The following ABCC11 variants were observed in gnomAD, a reference collection of about 807,000 sequenced individuals.
ABCC11 encodes the protein ATP-binding cassette sub-family C member 11.
ABCC11 carries 135 observed loss-of-function variants against 149.3 expected under a neutral mutation model. That is an observed-to-expected ratio of 0.90 (90% CI 0.79 to 1.04). ABCC11 has a LOEUF of 1.04. ABCC11 is among the 50% of genes least tolerant of loss of function. ABCC11 has a pLI of 0.00. For missense variants in ABCC11, 1,680 were observed against 1,722.1 expected (o/e 0.98, Z 0.43); for synonymous variants, 665 against 671.4 (o/e 0.99, Z 0.15).
intron 6 of ABCC11, among the ~76,000 whole-genome samples, chr16:48,221,745 T>C (rs1367538342): frequency 6.6e-6 from 1 of 152,086 alleles, no homozygotes; most frequent in Non-Finnish European, 1.5e-5. Context: ...GGGGTGTGTG[T>C]GTGTGTGTGT....
At chr16:48,204,945 T>C (rs1229827998) in intron 13 of ABCC11, among the ~76,000 whole-genome samples, 1 of 152,208 alleles carries the variant, frequency 6.6e-6, no homozygotes, top group Non-Finnish European at 1.5e-5. Flanking sequence ...AGATTCAAAC[T>C]GGTTTCCTCT....
intron 1 of ABCC11, among the ~76,000 whole-genome samples, chr16:48,237,759 A>T (rs1217327713): frequency 1.3e-5 from 2 of 152,144 alleles, no homozygotes; most frequent in Non-Finnish European, 2.9e-5. Context: ...CATTCCAGGA[A>T]CAGGTTCCTC....
At chr16:48,200,584 A>T in intron 14 of ABCC11, 105 bp from the exon 15 acceptor site, 1 of 1,148,830 alleles carries the variant, frequency 8.7e-7, no homozygotes, top group Non-Finnish European at 1.2e-6. Flanking sequence ...AGTACAGACC[A>T]AGATATGCAC....
chr16:48,173,507 TTTACTACTC>T (rs1175354187), intron 26 of ABCC11, among the ~76,000 whole-genome samples: 1 of 152,204 alleles, frequency 6.6e-6, no homozygotes, highest in Non-Finnish European at 1.5e-5. Context: ...AGTTCATATT[TTTACTACTC>T]TTCATATCAA....
chr16:48,224,146 G>C, intron 5 of ABCC11, 136 bp downstream of exon 5: 1 of 1,200,168 alleles, frequency 8.3e-7, no homozygotes. Flanking sequence ...GTCCTCAAAA[G>C]GTCTTCATTT....
intron 7 of ABCC11, 146 bp downstream of exon 7, chr16:48,215,968 T>C: frequency 1.2e-6 from 1 of 856,104 alleles, no homozygotes; most frequent in Non-Finnish European, 1.8e-6. Context: ...AGAGAATAGT[T>C]TGAAGTAGGG....
chr16:48,210,772 T>TA (rs1596780987), intron 11 of ABCC11, 176 bp downstream of exon 11: 7 of 950,794 alleles, frequency 7.4e-6, no homozygotes, highest in Non-Finnish European at 9.1e-6. Context: ...TAATTCACAT[T>TA]AAAAAATGAA....
At chr16:48,170,051 C>G in intron 28 of ABCC11, 54 bp downstream of exon 28, 1 of 1,493,032 alleles carries the variant, frequency 6.7e-7, no homozygotes. Flanking sequence ...TGTGGCTTCC[C>G]TCATCATGCG....
rs749983411 is a variant in ABCC11 at position 48,170,185 on chromosome 16, C to A, written c.3811G>T (p.Val1271Leu). 8.9e-5 allele frequency: 144 copies of A among 1,614,150 alleles called. 7 individuals are homozygous for A. The highest frequency in any genetic ancestry group is 1.4e-4 in the South Asian group (13 of 91,086). ...GAGAAGTTTCCACCGTTTTCCACCA[C>A]ATCTGTATGCAGCTTTTTGGGGAAC... The part of the protein sequence containing the change: ...SKFPKKLHTD[V>L]VENGGNFSVG... The change falls in exon 28 of 30, where the codon GTG becomes TTG. Residue 1271 changes from valine to leucine, a missense_variant. Val to Leu is a conservative substitution (Grantham distance 32). Transcript: ENST00000356608.
chr16:48,180,413 A>G (rs1406880271), intron 23 of ABCC11, among the ~76,000 whole-genome samples: 1 of 152,226 alleles, frequency 6.6e-6, no homozygotes, highest in Non-Finnish European at 1.5e-5. Flanking sequence ...CAGCACAGAA[A>G]GGTAGAACGA....
intron 17 of ABCC11, 140 bp downstream of exon 17, chr16:48,197,830 TG>T: frequency 1.1e-6 from 1 of 875,204 alleles, no homozygotes; most frequent in South Asian, 1.7e-5. Flanking sequence ...TACTTGGTTC[TG>T]GAACCTGTGT....
At position 48,187,040 on chromosome 16, in the gene ABCC11, C is replaced by G; in HGVS notation, c.2984G>C (p.Arg995Pro). The G allele has an allele frequency of 6.2e-7, 1 of 1,614,014 alleles. No individual in the cohort carries two copies. ...GAGGATGTGGGAGAATAAAGGAGAC[C>G]GGCTATAGTTCTCCAGTCTCTTGAA... is the stretch of plus-strand genomic sequence containing the variant. ...GVFKRLENYSRSPLFSHILNS... is the reference protein window; with the variant it reads ...GVFKRLENYSPSPLFSHILNS... The change falls in exon 22 of 30, where the codon CGG becomes CCG. Residue 995 changes from arginine (R) to proline (P), a missense_variant. Coordinates refer to ENST00000356608, the MANE Select transcript of ABCC11 (RefSeq NM_001370497.1).
At chr16:48,192,422 C>T in intron 20 of ABCC11, 98 bp downstream of exon 20, 1 of 1,340,256 alleles carries the variant, frequency 7.5e-7, no homozygotes, top group South Asian at 1.5e-5. Flanking sequence ...CCAGCCTGGG[C>T]TACAGAGCTC....
Position 48,203,254 on chromosome 16 carries a change from G to A in ABCC11, c.1852C>T (p.Leu618Phe), listed in dbSNP as rs776006762. Reference sequence around the variant, plus strand: ...TCTGTCATGTCTCCAAAGGGCAGAAGTTCCAGGTCCCGATTCAGGGAGCAG... The same window carrying A: ...TCTGTCATGTCTCCAAAGGGCAGAAATTCCAGGTCCCGATTCAGGGAGCAG... ...HCCSLNRDLE[L>F]LPFGDMTEIG... Residue 618 changes from leucine (L) to phenylalanine (F), a missense_variant, in exon 14 of 30, where the codon CTT (leucine) becomes TTT (phenylalanine). Transcript: ENST00000356608. The A allele has an allele frequency of 6.3e-7, 1 of 1,582,322 alleles. No homozygotes were observed. The highest frequency in any genetic ancestry group is 8.6e-7 in the Non-Finnish European group (1 of 1,163,378).
chr16:48,209,750 G>C (rs1968756636), intron 11 of ABCC11: 1 of 152,030 alleles, frequency 6.6e-6, no homozygotes, highest in Admixed American at 6.6e-5. Flanking sequence ...CACTCTATCG[G>C]GTCACGGGTG....
chr16:48,184,666 T>C (rs761794744), intron 22 of ABCC11, 40 bp from the exon 23 acceptor site: 2 of 1,591,074 alleles, frequency 1.3e-6, no homozygotes, highest in Non-Finnish European at 1.7e-6. Flanking sequence ...TGTGTTTGTC[T>C]GACCTAGGGT....
intron 26 of ABCC11, among the ~76,000 whole-genome samples, chr16:48,171,929 C>T (rs1965747472): frequency 1.3e-5 from 2 of 152,300 alleles, no homozygotes; most frequent in Middle Eastern, 3.4e-3. Flanking sequence ...TGTCACTGCA[C>T]TCTAGCCTGG....
intron 23 of ABCC11, among the ~76,000 whole-genome samples, chr16:48,179,438 G>T (rs558164127): frequency 1.3e-5 from 2 of 152,342 alleles, no homozygotes; most frequent in Admixed American, 1.3e-4. Flanking sequence ...TGGGCTTGGG[G>T]CCCCGGTCTA....
In ABCC11 at chr16:48,224,277, C is replaced by T; in HGVS notation, c.543+5G>A. 6.2e-7 allele frequency: 1 copy of T among 1,613,760 alleles called. No homozygotes were observed. The highest frequency in any genetic ancestry group is 8.5e-7 in the Non-Finnish European group (1 of 1,179,906). On this transcript the variant is annotated splice_donor_5th_base_variant and intron_variant, in intron 5 of 29. Transcript: ENST00000356608. ...CCCCCAAACCTCACCAAGTCTGCCA[C>T]TTACTGGCCCGAGTACACTGGCAAT... is the stretch of plus-strand genomic sequence containing the variant.
Sources: gnomAD v4.1 joint callset for allele counts (sites outside exome capture counted in the v4.1 genomes callset) on GRCh38, gnomAD v4.1.1 for gene constraint, MANE v1.5 for transcripts, NCBI Gene and HGNC (gene_info 2026-07-23, HGNC 2026-07-21) for gene names.